Variants in RGP1 observed in about 807,000 individuals in gnomAD.
The protein encoded by RGP1 is RAB6A-GEF complex partner protein 2.
In RGP1, 28 loss-of-function variants were observed where a neutral mutation model predicts 44.5. The ratio of observed to expected loss-of-function variants is 0.63; its 90% CI spans 0.47 to 0.86. RGP1 has a LOEUF of 0.86. Among genes scored for constraint, RGP1 ranks in the 40% least tolerant of loss-of-function variants. The probability of loss-of-function intolerance (pLI) is 0.00; values close to 1 mark genes in which losing one functional copy is unlikely to be tolerated. For synonymous variants in RGP1, 212 were observed against 196.7 expected (o/e 1.08, Z -0.65); for missense variants, 417 against 490.7 (o/e 0.85, Z 1.42).
chr9:35,776,272 A>T, the RGP1 span, among the ~76,000 whole-genome samples: 1 of 150,172 alleles, frequency 6.7e-6, no homozygotes, highest in Non-Finnish European at 1.5e-5. Flanking sequence ...TTTTTGGCCT[A>T]TTCTCCTTCT....
rs1827387794 is a variant in RGP1, at chr9:35,758,413, C to G, written c.*5539C>G. 1 of 152,166 alleles carries G rather than the reference C, an allele frequency of 6.6e-6. No homozygotes were observed. The highest frequency in any genetic ancestry group is 2.4e-5 in the African/African-American group (1 of 41,428). The allele number at this position is 152,166 out of a possible 1,614,324, so 9.4% of individuals were successfully genotyped here. On this transcript the variant is annotated 3_prime_UTR_variant, in exon 9 of 9. Transcript: ENST00000378078. The stretch of plus-strand genomic sequence containing the variant: ...ATTAGTCTGACTTCTCTTCTAAAAT[C>G]AACTCTAAAATGGTATTTTGTACTT...
chr9:35,776,851 C>T, the RGP1 span, among the ~76,000 whole-genome samples: 97 of 151,526 alleles, frequency 6.4e-4, no homozygotes, highest in African/African-American at 2.1e-3. Flanking sequence ...AAAAATTAGC[C>T]GGACGTGGTG....
chr9:35,786,005 G>T, the RGP1 span, among the ~76,000 whole-genome samples: 1 of 152,020 alleles, frequency 6.6e-6, no homozygotes, highest in Middle Eastern at 3.2e-3. Flanking sequence ...CATCGCCACT[G>T]CTTAGCTTCT....
the RGP1 span, among the ~76,000 whole-genome samples, chr9:35,773,848 A>C: frequency 6.6e-6 from 1 of 151,578 alleles, no homozygotes; most frequent in African/African-American, 2.4e-5. Context: ...TTTTAAAATA[A>C]ATAAAAGAGA....
In RGP1 at chr9:35,751,695, C is replaced by G. The variant is rs1254617515; in HGVS notation, c.703C>G (p.Leu235Val). The change falls in exon 7 of 9, where the codon CTT becomes GTT. Residue 235 changes from leucine to valine, a missense_variant. Leu to Val is a conservative substitution (Grantham distance 32, BLOSUM62 1). Coordinates refer to ENST00000378078, the MANE Select transcript of RGP1 (RefSeq NM_001080496.3). ...TGGCATCTTCAAATCTGTGTACAGA[C>G]TTGGCGAGGACGTGGTGGGGACCTT... ...TFGIFKSVYR[L>V]GEDVVGTLNL... The G allele has an allele frequency of 6.2e-7, 1 of 1,613,862 alleles. No individual in the cohort carries two copies. The highest frequency in any genetic ancestry group is 8.5e-7 in the Non-Finnish European group (1 of 1,179,768).
In RGP1 at chr9:35,749,528, G is replaced by C. The variant is rs946778261; in HGVS notation, c.-20+120G>C. On this transcript the variant is annotated intron_variant, in intron 1 of 8. Coordinates refer to ENST00000378078, the MANE Select transcript of RGP1 (RefSeq NM_001080496.3). The surrounding 1 kb of genome is among the most constrained non-coding windows in gnomAD (Gnocchi z 4.4). ...GAAGAACCCGTCGCACAGGGGCTGG[G>C]GTCTAGGGCCCAGAGCGATGTCCTC... 2 of 679,002 alleles carry C rather than the reference G, an allele frequency of 2.9e-6. No individual in the cohort carries two copies. The highest frequency in any genetic ancestry group is 3.5e-5 in the African/African-American group (2 of 56,532). The allele number at this position is 679,002 out of a possible 1,614,324, so 42.1% of individuals were successfully genotyped here.
intron 4 of RGP1, 27 bp from the exon 5 acceptor site, chr9:35,750,813 C>G: frequency 6.2e-7 from 1 of 1,613,912 alleles, no homozygotes; most frequent in Non-Finnish European, 8.5e-7. Context: ...GTGCCTCTGG[C>G]TGTCCTGACA....
In RGP1 at chr9:35,753,715, T is replaced by G. The variant is rs750768999; in HGVS notation, c.*841T>G. On this transcript the variant is annotated 3_prime_UTR_variant, in exon 9 of 9. Transcript: ENST00000378078. This position sits in a 1 kb window ranked among gnomAD's most constrained non-coding sequence, Gnocchi z 4.2. ...AGACAGGTGCAATGGAAACAGTCCTTGCGGAGCCAAGACTCACCCAGGGTA... is the reference window on the plus strand; with the variant it reads ...AGACAGGTGCAATGGAAACAGTCCTGGCGGAGCCAAGACTCACCCAGGGTA... 1 of 1,614,026 alleles carries G rather than the reference T, an allele frequency of 6.2e-7. No individual in the cohort carries two copies.
At chr9:35,782,051 A>G in the RGP1 span, among the ~76,000 whole-genome samples, 1 of 120,616 alleles carries the variant, frequency 8.3e-6, no homozygotes, top group African/African-American at 3.3e-5. Context: ...CAGTGGTGTG[A>G]TCTCGGCTCA....
chr9:35,777,589 G>A, the RGP1 span, among the ~76,000 whole-genome samples: 53 of 152,102 alleles, frequency 3.5e-4, no homozygotes, highest in Non-Finnish European at 5.6e-4. Context: ...AAAGTGCTAG[G>A]ATTACAGGTG....
the RGP1 span, among the ~76,000 whole-genome samples, chr9:35,787,139 AT>A: frequency 2.7e-3 from 417 of 151,836 alleles, 1 homozygote; most frequent in African/African-American, 9.4e-3. Flanking sequence ...ATTAAAAAAA[AT>A]AAAAAAGAAA....
At chr9:35,775,399 C>T in the RGP1 span, among the ~76,000 whole-genome samples, 1 of 152,082 alleles carries the variant, frequency 6.6e-6, no homozygotes, top group Non-Finnish European at 1.5e-5. Context: ...ACTTAGAAGC[C>T]GGAACTTTGG....
intron 3 of RGP1, 39 bp downstream of exon 3, chr9:35,750,418 G>C: frequency 6.2e-7 from 1 of 1,609,044 alleles, no homozygotes. Context: ...GGGGGGTGCG[G>C]AGGGTGTGTG....
chr9:35,752,955 C>A lies in RGP1; in HGVS notation c.*81C>A. 6.5e-7 allele frequency: 1 copy of A among 1,539,752 alleles called. No individual in the cohort carries two copies. The highest frequency in any genetic ancestry group is 8.9e-7 in the Non-Finnish European group (1 of 1,128,060). On this transcript the variant is annotated 3_prime_UTR_variant, in exon 9 of 9. Coordinates refer to ENST00000378078, the MANE Select transcript of RGP1 (RefSeq NM_001080496.3). ...CTCTAATGGGACCCACTTTTTCCAC[C>A]TGGGGTCCAATGTCGTGGACAGTGA...
intron 6 of RGP1, 106 bp downstream of exon 6, chr9:35,751,518 C>T: frequency 6.3e-7 from 1 of 1,594,514 alleles, no homozygotes; most frequent in Non-Finnish European, 8.6e-7. Flanking sequence ...CCACTGATAC[C>T]TGACACCTCC....
At chr9:35,771,645 G>A in the RGP1 span, among the ~76,000 whole-genome samples, 1 of 152,188 alleles carries the variant, frequency 6.6e-6, no homozygotes, top group Non-Finnish European at 1.5e-5. Context: ...CTGATTGGAA[G>A]AGAAGGGAGG....
At chr9:35,769,681 G>A in the RGP1 span, among the ~76,000 whole-genome samples, 8 of 152,158 alleles carry the variant, frequency 5.3e-5, no homozygotes, top group South Asian at 1.2e-3. Context: ...GTGCAAAGAT[G>A]AGAGAAATTA....
the RGP1 span, among the ~76,000 whole-genome samples, chr9:35,773,509 C>CTT: frequency 6.8e-6 from 1 of 146,878 alleles, no homozygotes; most frequent in Non-Finnish European, 1.5e-5. Flanking sequence ...TTTCCTTTTT[C>CTT]TTTTTTTTTT....
the RGP1 span, among the ~76,000 whole-genome samples, chr9:35,778,883 A>T: frequency 6.6e-6 from 1 of 152,128 alleles, no homozygotes; most frequent in East Asian, 1.9e-4. Context: ...CTTTCATCTG[A>T]TGTTCTATCT....
Sources: gnomAD v4.1 joint callset for allele counts (sites outside exome capture counted in the v4.1 genomes callset) on GRCh38, gnomAD v4.1.1 for gene constraint, Gnocchi (gnomAD v3.1) non-coding constraint, MANE v1.5 for transcripts, NCBI Gene and HGNC (gene_info 2026-07-23, HGNC 2026-07-21) for gene names.